AGBL4: variants seen among roughly 807,000 people sequenced by gnomAD.
The protein encoded by AGBL4 is cytosolic carboxypeptidase 6.
Under a neutral mutation model 66.4 loss-of-function variants are expected in AGBL4, and 58 were observed. That is an observed-to-expected ratio of 0.87 (90% CI 0.71 to 1.09). The LOEUF (loss-of-function observed/expected upper bound fraction) is 1.09. AGBL4 is among the 50% of genes least tolerant of loss of function. AGBL4 has a pLI of 0.00. For synonymous variants in AGBL4, 234 were observed against 222.9 expected, an observed-to-expected ratio of 1.05 and a Z score of -0.44; for missense variants, 579 against 631.0, an observed-to-expected ratio of 0.92 and a Z score of 0.88.
chr1:49,805,538 T>C (rs1644957259), intron 2 of AGBL4, among the ~76,000 whole-genome samples: 1 of 152,122 alleles, frequency 6.6e-6, no homozygotes, highest in African/African-American at 2.4e-5. Context: ...AACATAGAGA[T>C]AAAAAATAGC....
chr1:49,109,211 G>C (rs964158698), intron 4 of AGBL4, among the ~76,000 whole-genome samples: 2 of 152,078 alleles, frequency 1.3e-5, no homozygotes, highest in African/African-American at 4.8e-5. Context: ...CTGGATTGGG[G>C]AGAAGGTTTC....
Position 49,924,914 on chromosome 1 carries a change from A to T in AGBL4, c.35-73396T>A, listed in dbSNP as rs181233554. On this transcript the variant is annotated intron_variant, in intron 1 of 13. Transcript: ENST00000371839. ...GAATGCAGTGCTGCCACCACTGAATAAAGTACTCTGGGGTCCTAAATAAAC... is the reference window on the plus strand; with the variant it reads ...GAATGCAGTGCTGCCACCACTGAATTAAGTACTCTGGGGTCCTAAATAAAC... Among the ~76,000 whole-genome samples, 421 of 152,266 alleles carry T rather than the reference A, an allele frequency of 2.8e-3. 2 individuals carry two copies. The highest frequency in any genetic ancestry group is 4.0e-3 in the Non-Finnish European group (275 of 68,006).
chr1:49,495,936 A>G (rs1647518352), intron 3 of AGBL4, among the ~76,000 whole-genome samples: 1 of 152,036 alleles, frequency 6.6e-6, no homozygotes. Flanking sequence ...CATCTGTAAA[A>G]TGGTCTACAT....
intron 4 of AGBL4, among the ~76,000 whole-genome samples, chr1:49,184,269 C>T (rs2148192339): frequency 6.6e-6 from 1 of 152,284 alleles, no homozygotes; most frequent in Non-Finnish European, 1.5e-5. Context: ...ATACATGTCT[C>T]TGCCTCTAAA....
At chr1:49,782,932 G>C (rs1245416739) in intron 2 of AGBL4, among the ~76,000 whole-genome samples, 1 of 151,854 alleles carries the variant, frequency 6.6e-6, no homozygotes, top group African/African-American at 2.4e-5. Flanking sequence ...TATTCAGTCA[G>C]TGATATTCTG....
chr1:49,544,265 G>C (rs1177825188), intron 3 of AGBL4, among the ~76,000 whole-genome samples: 4 of 152,090 alleles, frequency 2.6e-5, no homozygotes, highest in African/African-American at 9.7e-5. Flanking sequence ...CTGTTGTATG[G>C]GTAACAATGT....
At chr1:49,766,063 C>T (rs1212964139) in intron 2 of AGBL4, among the ~76,000 whole-genome samples, 6 of 152,000 alleles carry the variant, frequency 3.9e-5, no homozygotes, top group Non-Finnish European at 7.4e-5. Flanking sequence ...CAGAGGTAGC[C>T]GGATAAAAAC....
At chr1:49,151,146 G>A (rs939030420) in intron 4 of AGBL4, among the ~76,000 whole-genome samples, 2 of 151,562 alleles carry the variant, frequency 1.3e-5, no homozygotes, top group South Asian at 2.1e-4. Context: ...GTGTATGCCT[G>A]TAGTCCCAGC....
intron 2 of AGBL4, among the ~76,000 whole-genome samples, chr1:49,832,897 T>C (rs1463643755): frequency 2.0e-5 from 3 of 152,256 alleles, no homozygotes; most frequent in Middle Eastern, 3.4e-3. Flanking sequence ...ATATTAGCCC[T>C]TTGTCAGATG....
At chr1:49,540,831 C>T (rs572213918) in intron 3 of AGBL4, among the ~76,000 whole-genome samples, 1 of 152,040 alleles carries the variant, frequency 6.6e-6, no homozygotes, top group East Asian at 1.9e-4. Context: ...TAAGCTAAGT[C>T]CAATCTTTAT....
chr1:49,389,325 C>G (rs1644800314), intron 3 of AGBL4, among the ~76,000 whole-genome samples: 1 of 152,008 alleles, frequency 6.6e-6, no homozygotes, highest in African/African-American at 2.4e-5. Flanking sequence ...AGGAAACAGA[C>G]CTTAAATCCA....
chr1:49,189,964 T>A (rs1647085312), intron 4 of AGBL4, among the ~76,000 whole-genome samples: 1 of 152,264 alleles, frequency 6.6e-6, no homozygotes, highest in East Asian at 1.9e-4. Flanking sequence ...CCTGTTATAA[T>A]AATGCATTCT....
chr1:49,258,006 A>G (rs943050317), intron 3 of AGBL4, among the ~76,000 whole-genome samples: 21 of 152,204 alleles, frequency 1.4e-4, no homozygotes, highest in Non-Finnish European at 2.9e-4. Context: ...GCAGTTCATG[A>G]AAATCCACGG....
At chr1:49,068,138 G>A (rs1571365589) in intron 4 of AGBL4, among the ~76,000 whole-genome samples, 1 of 152,238 alleles carries the variant, frequency 6.6e-6, no homozygotes, top group South Asian at 2.1e-4. Flanking sequence ...TAGATATAAA[G>A]GTGGATAAGA....
intron 4 of AGBL4, among the ~76,000 whole-genome samples, chr1:49,169,035 T>C (rs1390778498): frequency 6.6e-6 from 1 of 152,194 alleles, no homozygotes; most frequent in East Asian, 1.9e-4. Context: ...ATGCTTCCTA[T>C]ATCTCTTCTC....
At chr1:49,278,877 C>A (rs1644223464) in intron 3 of AGBL4, among the ~76,000 whole-genome samples, 1 of 152,074 alleles carries the variant, frequency 6.6e-6, no homozygotes, top group African/African-American at 2.4e-5. Flanking sequence ...GTAACATTAT[C>A]CTAATTGTAT....
chr1:49,620,960 C>T (rs1645349064), intron 3 of AGBL4, among the ~76,000 whole-genome samples: 1 of 151,852 alleles, frequency 6.6e-6, no homozygotes, highest in African/African-American at 2.4e-5. Context: ...TATCTAGATA[C>T]ATTGTTAATA....
intron 5 of AGBL4, among the ~76,000 whole-genome samples, chr1:49,042,243 G>T (rs867430423): frequency 6.6e-6 from 1 of 151,914 alleles, no homozygotes; most frequent in Non-Finnish European, 1.5e-5. Flanking sequence ...AATTCCTCGA[G>T]GATAATTTGA....
chr1:48,914,760 AC>A (rs1653445536), intron 5 of AGBL4, among the ~76,000 whole-genome samples: 1 of 152,170 alleles, frequency 6.6e-6, no homozygotes, highest in Non-Finnish European at 1.5e-5. Context: ...CTTTGCCTGC[AC>A]TCACCCAGTA....
Sources: allele counts gnomAD v4.1 joint callset (sites outside exome capture counted in the v4.1 genomes callset), GRCh38; gene constraint gnomAD v4.1.1; transcripts MANE v1.5; gene names NCBI Gene and HGNC (gene_info 2026-07-23, HGNC 2026-07-21).